NXPE4: variants seen among roughly 807,000 people sequenced by gnomAD.
NXPE4 encodes the protein NXPE family member 4.
Under a neutral mutation model 33.3 loss-of-function variants are expected in NXPE4, and 42 were observed. The ratio of observed to expected loss-of-function variants is 1.26; its 90% CI spans 0.98 to 1.63. The LOEUF (loss-of-function observed/expected upper bound fraction) is 1.63, where lower values mean the gene tolerates loss of function less well. Among genes scored for constraint, NXPE4 ranks in the 40% most tolerant of loss-of-function variants. The pLI is 0.00. For missense variants in NXPE4, 709 were observed against 647.6 expected (o/e 1.09, Z -1.03); for synonymous variants, 253 against 234.9 (o/e 1.08, Z -0.71).
chr11:114,663,033 A>C, the NXPE4 span, among the ~76,000 whole-genome samples: 1 of 152,122 alleles, frequency 6.6e-6, no homozygotes, highest in Non-Finnish European at 1.5e-5. Flanking sequence ...CTTATACGGC[A>C]TTTCTGGTCC....
intron 5 of NXPE4, among the ~76,000 whole-genome samples, chr11:114,574,088 T>G (rs1480602774): frequency 6.6e-6 from 1 of 152,084 alleles, no homozygotes; most frequent in African/African-American, 2.4e-5. Context: ...ACATGGAAAT[T>G]AAATAACCTG....
At chr11:114,627,670 T>C in the NXPE4 span, among the ~76,000 whole-genome samples, 2 of 151,760 alleles carry the variant, frequency 1.3e-5, no homozygotes, top group South Asian at 2.1e-4. Flanking sequence ...CACATAACAA[T>C]ATTAACTTTA....
At chr11:114,667,327 A>T in the NXPE4 span, among the ~76,000 whole-genome samples, 2 of 152,292 alleles carry the variant, frequency 1.3e-5, no homozygotes, top group South Asian at 4.1e-4. Context: ...TATATTTAAT[A>T]ACTAAACAAA....
intron 2 of NXPE4, among the ~76,000 whole-genome samples, chr11:114,589,112 A>C (rs779139412): frequency 3.9e-5 from 6 of 152,094 alleles, no homozygotes; most frequent in African/African-American, 2.4e-5. Context: ...AAGTCAGAGG[A>C]CTTTAAAAAG....
chr11:114,646,142 G>T, the NXPE4 span, among the ~76,000 whole-genome samples: 1 of 151,992 alleles, frequency 6.6e-6, no homozygotes, highest in Non-Finnish European at 1.5e-5. Flanking sequence ...CTGGCCTGAG[G>T]TAATAGTGGT....
chr11:114,671,725 A>G, the NXPE4 span, among the ~76,000 whole-genome samples: 1 of 152,068 alleles, frequency 6.6e-6, no homozygotes, highest in Non-Finnish European at 1.5e-5. Context: ...GAGGAAAAAG[A>G]GAAATTCTCA....
the NXPE4 span, among the ~76,000 whole-genome samples, chr11:114,669,285 G>C: frequency 6.6e-6 from 1 of 152,040 alleles, no homozygotes; most frequent in East Asian, 1.9e-4. Flanking sequence ...ATCTCAGTTA[G>C]AATGGAAAAA....
chr11:114,580,509 A>T lies in NXPE4; in HGVS notation c.893-171T>A, dbSNP rs370564381. Among the ~76,000 whole-genome samples the T allele has an allele frequency of 2.3e-3, 356 of 152,150 alleles. 1 individual carries two copies. The highest frequency in any genetic ancestry group is 8.3e-3 in the African/African-American group (346 of 41,484). On this transcript the variant is annotated intron_variant, in intron 4 of 5. Coordinates refer to ENST00000375478, the MANE Select transcript of NXPE4 (RefSeq NM_001077639.2). Reference sequence around the variant, plus strand: ...TGGAACAGCTGTTTTTTTAATAAAAATTTTTCTCTGATGTGAATTTCCTAA... The same window carrying T: ...TGGAACAGCTGTTTTTTTAATAAAATTTTTTCTCTGATGTGAATTTCCTAA...
chr11:114,674,949 T>G, the NXPE4 span, among the ~76,000 whole-genome samples: 1 of 151,734 alleles, frequency 6.6e-6, no homozygotes, highest in Non-Finnish European at 1.5e-5. Flanking sequence ...AAAGAATGAT[T>G]CACCATAATC....
At chr11:114,621,959 A>G in the NXPE4 span, among the ~76,000 whole-genome samples, 3 of 152,154 alleles carry the variant, frequency 2.0e-5, no homozygotes, top group Admixed American at 1.3e-4. Flanking sequence ...CCCTGTGGAT[A>G]ATAAGTATGG....
chr11:114,599,473 G>A (rs1484387559), upstream of NXPE4, among the ~76,000 whole-genome samples: 1 of 152,150 alleles, frequency 6.6e-6, no homozygotes, highest in East Asian at 1.9e-4. Context: ...TTATGGCAGT[G>A]TTCCACTCCC....
intron 2 of NXPE4, among the ~76,000 whole-genome samples, chr11:114,592,047 A>G (rs746446542): frequency 6.6e-6 from 1 of 152,230 alleles, no homozygotes; most frequent in African/African-American, 2.4e-5. Context: ...AAAAACATGT[A>G]TAACAAATCC....
At chr11:114,629,057 G>A in the NXPE4 span, among the ~76,000 whole-genome samples, 1 of 152,028 alleles carries the variant, frequency 6.6e-6, no homozygotes, top group African/African-American at 2.4e-5. Context: ...AAGAGTCCAG[G>A]ACCAGATGGA....
At chr11:114,591,808 C>T (rs1949462182) in intron 2 of NXPE4, among the ~76,000 whole-genome samples, 1 of 152,056 alleles carries the variant, frequency 6.6e-6, no homozygotes. Context: ...TGTAGGTGAA[C>T]AGGAGATGTC....
At chr11:114,632,628 A>G in the NXPE4 span, among the ~76,000 whole-genome samples, 82 of 100,708 alleles carry the variant, frequency 8.1e-4, no homozygotes, top group African/African-American at 3.2e-3. Flanking sequence ...ATATTTATAT[A>G]TAATAAATGT....
chr11:114,587,976 A>C (rs1173449029), intron 2 of NXPE4, among the ~76,000 whole-genome samples: 1 of 152,182 alleles, frequency 6.6e-6, no homozygotes, highest in Non-Finnish European at 1.5e-5. Context: ...TGTAGATGGG[A>C]CAGCAAATGG....
rs148864500 is a variant in NXPE4 at position 114,587,475 on chromosome 11, T to A, written c.97-4454A>T. ...AACGAAGTCTCTCTCAAGATCCATC[T>A]ATTGGAGAGTCATGCAGATCACACA... On this transcript the variant is annotated intron_variant, in intron 2 of 5. Coordinates refer to ENST00000375478, the MANE Select transcript of NXPE4 (RefSeq NM_001077639.2). Among the ~76,000 whole-genome samples, 867 of 152,352 alleles carry A rather than the reference T, an allele frequency of 5.7e-3. 5 individuals carry two copies. The highest frequency in any genetic ancestry group is 9.2e-3 in the Non-Finnish European group (625 of 68,026).
chr11:114,667,381 G>A, the NXPE4 span, among the ~76,000 whole-genome samples: 1 of 152,090 alleles, frequency 6.6e-6, no homozygotes, highest in South Asian at 2.1e-4. Flanking sequence ...TGAAGTAATA[G>A]ACTTCTAAAT....
chr11:114,613,791 G>T, the NXPE4 span, among the ~76,000 whole-genome samples: 1 of 150,934 alleles, frequency 6.6e-6, no homozygotes, highest in South Asian at 2.1e-4. Context: ...ACCACAGTTA[G>T]CCGGTGGATA....
Sources: gnomAD v4.1 joint callset for allele counts (sites outside exome capture counted in the v4.1 genomes callset) on GRCh38, gnomAD v4.1.1 for gene constraint, MANE v1.5 for transcripts, NCBI Gene and HGNC (gene_info 2026-07-23, HGNC 2026-07-21) for gene names.